RPL24: variants seen among roughly 807,000 people sequenced by gnomAD.
The protein encoded by RPL24 is large ribosomal subunit protein eL24.
A neutral mutation model predicts 26.4 loss-of-function variants in RPL24; 7 were observed. The ratio of observed to expected loss-of-function variants is 0.27; its 90% CI spans 0.15 to 0.50. RPL24 has a LOEUF of 0.50. RPL24 is among the 20% of genes least tolerant of loss of function. The pLI is 0.98. For synonymous variants in RPL24, 67 were observed against 65.2 expected (o/e 1.03, Z -0.13); for missense variants, 109 against 194.9 (o/e 0.56, Z 2.62).
chr3:101,686,451 G>A, intron 2 of RPL24, 31 bp downstream of exon 2: 1 of 1,600,034 alleles, frequency 6.2e-7, no homozygotes, highest in Non-Finnish European at 8.5e-7. Context: ...CGGAGTACAA[G>A]AAGGTAGGTG....
chr3:101,682,555 A>AAAT, intron 4 of RPL24, 63 bp from the exon 5 acceptor site: 1 of 1,363,614 alleles, frequency 7.3e-7, no homozygotes, highest in Non-Finnish European at 1.0e-6. Context: ...ACTTATTATT[A>AAAT]GAGTTAGACT....
Position 101,684,503 on chromosome 3 carries a change from G to A in RPL24, c.192+1315C>T, listed in dbSNP as rs138075203. On this transcript the variant is annotated intron_variant, in intron 3 of 5. Transcript: ENST00000394077. ...ACTTTTTAAATTATAATTTAGCTAT[G>A]CAGGATGGCTCGCGCCTGTAATGCC... is the stretch of plus-strand genomic sequence containing the variant. Among the ~76,000 whole-genome samples the A allele has an allele frequency of 4.5e-3, 679 of 152,176 alleles. 2 individuals carry two copies. Among genetic ancestry groups the A allele is most frequent in the Non-Finnish European group, 6.3e-3 (429 of 68,000 alleles).
chr3:101,684,637 G>C (rs1360123952), intron 3 of RPL24, among the ~76,000 whole-genome samples: 1 of 151,770 alleles, frequency 6.6e-6, no homozygotes, highest in Non-Finnish European at 1.5e-5. Context: ...TTAAAAAATA[G>C]CTGGGCCATG....
chr3:101,685,768 C>T lies in RPL24; in HGVS notation c.192+50G>A, dbSNP rs1275903332. 3 of 1,056,784 alleles carry T rather than the reference C, an allele frequency of 2.8e-6. No homozygotes were observed. The African/African-American group carries it at 4.8e-5, about 17-fold the overall frequency. The allele number at this position is 1,056,784 out of a possible 1,614,324, so 65.5% of individuals were successfully genotyped here. Reference sequence around the variant, plus strand: ...GAGCAGAAAACCAACGTTCAGAGAGCTTTGACAACTTAAGAGATAGCCCCC... The same window carrying T: ...GAGCAGAAAACCAACGTTCAGAGAGTTTTGACAACTTAAGAGATAGCCCCC... On this transcript the variant is annotated intron_variant, in intron 3 of 5. Transcript: ENST00000394077.
At position 101,686,376 on chromosome 3, in the gene RPL24, C is replaced by G. The variant is rs112160113; in HGVS notation, c.81+106G>C. The G allele has an allele frequency of 7.2e-5, 65 of 902,870 alleles. No individual in the cohort carries two copies. The African/African-American group carries it at 9.2e-4, about 13-fold the overall frequency. 55.9% of individuals were successfully genotyped at this position (902,870 alleles called of 1,614,324 possible). ...GTCCACAGAGCGTCCACGAAGACTT[C>G]CAGAGGCCAGTGGTGATGTGGGGAA... On this transcript the variant is annotated intron_variant, in intron 2 of 5. Coordinates refer to ENST00000394077, the MANE Select transcript of RPL24 (RefSeq NM_000986.4).
chr3:101,684,771 C>A, intron 3 of RPL24, among the ~76,000 whole-genome samples: 2 of 44,820 alleles, frequency 4.5e-5, no homozygotes. Flanking sequence ...GAGGACCTGT[C>A]TCCCCAAAAA....
chr3:101,686,459 G>A lies in RPL24; in HGVS notation c.81+23C>T, dbSNP rs368271404. The A allele has an allele frequency of 2.8e-4, 454 of 1,608,980 alleles. 2 individuals are homozygous for A. The highest frequency in any genetic ancestry group is 1.1e-3 in the Admixed American group (66 of 59,544). ...TCCTCCTCGGAGTACAAGAAGGTAG[G>A]TGAAGCCGACGCGGCTTTTTACCTT... On this transcript the variant is annotated intron_variant, in intron 2 of 5. Transcript: ENST00000394077.
At position 101,682,347 on chromosome 3, in the gene RPL24, G is replaced by C. The variant is rs763473051; in HGVS notation, c.393+82C>G. 4.5e-6 allele frequency: 5 copies of C among 1,105,872 alleles called. No individual in the cohort carries two copies. In the South Asian group the frequency reaches 6.2e-5, roughly 14 times the overall value. 68.5% of individuals were successfully genotyped at this position (1,105,872 alleles called of 1,614,324 possible). ...GATCACGCCACTGCACCCCATCCTG[G>C]GCAACAGAGCAAGACTCCGTCTCAA... On this transcript the variant is annotated intron_variant, in intron 5 of 5. Coordinates refer to ENST00000394077, the MANE Select transcript of RPL24 (RefSeq NM_000986.4).
intron 3 of RPL24, among the ~76,000 whole-genome samples, chr3:101,683,722 T>TG (rs1559992886): frequency 1.3e-5 from 2 of 151,240 alleles, no homozygotes; most frequent in African/African-American, 4.9e-5. Context: ...TTTTTTTTTT[T>TG]TTTAAAGACT....
intron 5 of RPL24, 140 bp from the exon 6 acceptor site, chr3:101,681,355 T>C (rs1421146423): frequency 1.6e-6 from 1 of 640,938 alleles, no homozygotes; most frequent in Admixed American, 2.8e-5. Context: ...TCTTTTAATG[T>C]GACTACCCTT....
chr3:101,683,625 T>C (rs7355846), intron 3 of RPL24, among the ~76,000 whole-genome samples: 3,325 of 152,318 alleles, frequency 0.022, 37 homozygotes, highest in Middle Eastern at 0.068. Context: ...TTAATATTCT[T>C]GTCTCAAACG....
chr3:101,685,479 T>G (rs1055218921), intron 3 of RPL24, among the ~76,000 whole-genome samples: 1 of 152,232 alleles, frequency 6.6e-6, no homozygotes, highest in Non-Finnish European at 1.5e-5. Context: ...CATGGTCCAC[T>G]GGCTATGTTA....
rs1576657877 is a variant in RPL24 at position 101,682,112 on chromosome 3, G to A, written c.393+317C>T. 3 of 250,172 alleles carry A rather than the reference G, an allele frequency of 1.2e-5. No homozygotes were observed. In the East Asian group the frequency reaches 2.7e-4, roughly 23 times the overall value. The allele number at this position is 250,172 out of a possible 1,614,324, so 15.5% of individuals were successfully genotyped here. On this transcript the variant is annotated intron_variant, in intron 5 of 5. Coordinates refer to ENST00000394077, the MANE Select transcript of RPL24 (RefSeq NM_000986.4). Reference sequence around the variant, plus strand: ...CACACTTGTAACCCCAGCACTTTGGGAGGCTGAGGTGGGCAGATCACCTGA... The same window carrying A: ...CACACTTGTAACCCCAGCACTTTGGAAGGCTGAGGTGGGCAGATCACCTGA...
chr3:101,685,539 C>T (rs1021104101), intron 3 of RPL24, among the ~76,000 whole-genome samples: 22 of 152,216 alleles, frequency 1.4e-4, no homozygotes, highest in Admixed American at 1.4e-3. Context: ...GGTAACTTCT[C>T]AATTTCCTCC....
In RPL24 at chr3:101,686,696, G is replaced by A. The variant is rs1475023662; in HGVS notation, c.-20C>T. The A allele has an allele frequency of 6.2e-6, 10 of 1,614,086 alleles. No homozygotes were observed. The highest frequency in any genetic ancestry group is 2.2e-5 in the South Asian group (2 of 91,090). On this transcript the variant is annotated 5_prime_UTR_variant, in exon 1 of 6. Coordinates refer to ENST00000394077, the MANE Select transcript of RPL24 (RefSeq NM_000986.4). ...CTTCATGGCGACAGCTCCACGGAAA[G>A]ACAAAAGATGGCGAAAAGAAAGAGA...
intron 3 of RPL24, 142 bp downstream of exon 3, chr3:101,685,676 C>A: frequency 2.0e-6 from 1 of 504,366 alleles, no homozygotes; most frequent in East Asian, 3.1e-5. Flanking sequence ...TTTATAATAT[C>A]TTTTTCATTT....
At chr3:101,683,439 G>C (rs138645919) in intron 3 of RPL24, among the ~76,000 whole-genome samples, 1 of 152,142 alleles carries the variant, frequency 6.6e-6, no homozygotes, top group African/African-American at 2.4e-5. Context: ...AAGTATATTC[G>C]AATAGTTGTT....
chr3:101,682,522 G>T, intron 4 of RPL24, 30 bp from the exon 5 acceptor site: 1 of 1,565,438 alleles, frequency 6.4e-7, no homozygotes, highest in Non-Finnish European at 8.8e-7. Flanking sequence ...TAAGGCAAAA[G>T]CACTTTACTC....
chr3:101,684,167 C>CTT (rs930501770), intron 3 of RPL24, among the ~76,000 whole-genome samples: 2 of 138,138 alleles, frequency 1.4e-5, no homozygotes, highest in Non-Finnish European at 1.6e-5. Context: ...CCCATTTTAA[C>CTT]TTTTTTTTTT....
Sources: allele counts gnomAD v4.1 joint callset (sites outside exome capture counted in the v4.1 genomes callset), GRCh38; gene constraint gnomAD v4.1.1; transcripts MANE v1.5; gene names NCBI Gene and HGNC (gene_info 2026-07-23, HGNC 2026-07-21).